ZNF571: variants seen among roughly 807,000 people sequenced by gnomAD.
ZNF571 encodes zinc finger protein 571.
ZNF571 carries 4 observed loss-of-function variants against 7.7 expected under a neutral mutation model. That is an observed-to-expected ratio of 0.52 (90% CI 0.25 to 1.18). ZNF571 has a LOEUF of 1.18. Ranked by LOEUF, ZNF571 falls within the 50% of genes most tolerant of loss-of-function variation. The pLI is 0.14. For synonymous variants in ZNF571, 251 were observed against 232.4 expected (o/e 1.08, Z -0.73); for missense variants, 704 against 726.9 (o/e 0.97, Z 0.36).
chr19:37,566,459 A>G, intron 3 of ZNF571, 168 bp from the exon 4 acceptor site: 1 of 726,482 alleles, frequency 1.4e-6, no homozygotes, highest in Non-Finnish European at 2.1e-6. Context: ...GAGAATAAAG[A>G]AAAAGGAGAG....
chr19:37,571,678 C>A (rs1228568941), intron 3 of ZNF571, among the ~76,000 whole-genome samples: 1 of 152,162 alleles, frequency 6.6e-6, no homozygotes, highest in East Asian at 1.9e-4. Context: ...GAACTACTTA[C>A]AATATTTTTG....
rs1300952935 is a variant in ZNF571, at chr19:37,583,960, G to T, written c.136+11C>A. ...GGAACAAATTCTGAATATTACGTAG[G>T]ATGATCTTACCCAATGAGATCAGGT... is the stretch of plus-strand genomic sequence containing the variant. On this transcript the variant is annotated intron_variant, in intron 3 of 3. Transcript: ENST00000451802. 1.9e-6 allele frequency: 3 copies of T among 1,592,114 alleles called. No homozygotes were observed. The highest frequency in any genetic ancestry group is 2.6e-6 in the Non-Finnish European group (3 of 1,168,980).
At chr19:37,579,590 G>A (rs2043374903) in intron 3 of ZNF571, among the ~76,000 whole-genome samples, 1 of 152,134 alleles carries the variant, frequency 6.6e-6, no homozygotes, top group African/African-American at 2.4e-5. Context: ...AATAACTTAA[G>A]ATGGCCTGAT....
At chr19:37,588,130 CCCATGGGTT>C (rs2043746175) in intron 1 of ZNF571, among the ~76,000 whole-genome samples, 1 of 109,520 alleles carries the variant, frequency 9.1e-6, no homozygotes, top group Non-Finnish European at 1.9e-5. Flanking sequence ...AAAAAAAAAT[CCCATGGGTT>C]AAAATAATAT....
At position 37,565,118 on chromosome 19, in the gene ZNF571, T is replaced by A; in HGVS notation, c.1310A>T (p.His437Leu). Residue 437 changes from histidine (H) to leucine (L), a missense_variant, in exon 4 of 4, where the codon CAT (histidine) becomes CTT (leucine). By Grantham distance (99) the His-to-Leu change is moderately conservative. Coordinates refer to ENST00000451802, the MANE Select transcript of ZNF571 (RefSeq NM_016536.5). ...TTTCTCACCTGTATGAATTCTCTGA[T>A]GTTCACTAAGTTGTTTGCCACAAAT... The part of the protein sequence containing the change: ...AFICGKQLSE[H>L]QRIHTGEKPF... 6.2e-7 allele frequency: 1 copy of A among 1,613,408 alleles called. No homozygotes were observed. Among genetic ancestry groups the A allele is most frequent in the South Asian group, 1.1e-5 (1 of 91,042 alleles).
At chr19:37,567,402 T>A (rs1001634905) in intron 3 of ZNF571, among the ~76,000 whole-genome samples, 1 of 152,236 alleles carries the variant, frequency 6.6e-6, no homozygotes, top group African/African-American at 2.4e-5. Flanking sequence ...GAGCTAATAA[T>A]CTTTCAATGG....
At position 37,583,965 on chromosome 19, in the gene ZNF571, T is replaced by C; in HGVS notation, c.136+6A>G. On this transcript the variant is annotated splice_donor_region_variant and intron_variant, in intron 3 of 3. Transcript: ENST00000451802. ...AAATTCTGAATATTACGTAGGATGA[T>C]CTTACCCAATGAGATCAGGTTGCTG... is the stretch of plus-strand genomic sequence containing the variant. 1 of 1,599,384 alleles carries C rather than the reference T, an allele frequency of 6.3e-7. No homozygotes were observed. The highest frequency in any genetic ancestry group is 2.2e-5 in the East Asian group (1 of 44,612).
intron 3 of ZNF571, chr19:37,566,582 G>C (rs960217131): frequency 2.3e-5 from 6 of 257,852 alleles, no homozygotes; most frequent in Non-Finnish European, 3.7e-5. Context: ...ACACCCTCTT[G>C]AAAACAAACA....
rs750548295 is a variant in ZNF571, at chr19:37,565,699, T to A, written c.729A>T (p.Arg243Ser). ...CATATGGTTTCTCTCCTGTATGAAC[T>A]CTCTGATGTTCAGTGAGCTGTGAAC... is the stretch of plus-strand genomic sequence containing the variant. ...IRGSQLTEHQ[R>S]VHTGEKPYEC... Residue 243 changes from arginine to serine, a missense_variant, in exon 4 of 4, where the codon AGA becomes AGT. Transcript: ENST00000451802. The A allele has an allele frequency of 4.3e-6, 7 of 1,613,786 alleles. No homozygotes were observed. In the African/African-American group the frequency reaches 5.3e-5, roughly 12 times the overall value.
At chr19:37,587,294 C>G (rs1478539416) in intron 1 of ZNF571, 1 of 152,270 alleles carries the variant, frequency 6.6e-6, no homozygotes, top group African/African-American at 2.4e-5. Flanking sequence ...CTCCCAATTA[C>G]AACACCTCCT....
At chr19:37,580,567 T>C (rs1210866747) in intron 3 of ZNF571, among the ~76,000 whole-genome samples, 1 of 152,208 alleles carries the variant, frequency 6.6e-6, no homozygotes, top group African/African-American at 2.4e-5. Flanking sequence ...TAGTCCCCAG[T>C]ATGGCGTCTT....
rs772411615 is a variant in ZNF571, at chr19:37,565,981, G to A, written c.447C>T (p.Ser149=). Residue 149 remains serine (S), a synonymous_variant, in exon 4 of 4, where the codon AGC becomes AGT. Coordinates refer to ENST00000451802, the MANE Select transcript of ZNF571 (RefSeq NM_016536.5). The stretch of plus-strand genomic sequence containing the variant: ...CATGTTGAATAAGGCATGACAGGTA[G>A]CTGAAACCTTGTCTGCATTCCTTAC... ...YKCKECRQGF[S]YLSCLIQHEE... is the part of the protein sequence containing the mutation. 11 of 1,613,654 alleles carry A rather than the reference G, an allele frequency of 6.8e-6. No individual in the cohort carries two copies. The South Asian group carries it at 7.7e-5, about 11-fold the overall frequency.
At chr19:37,592,797 A>G (rs922138470) in intron 1 of ZNF571, among the ~76,000 whole-genome samples, 2 of 152,236 alleles carry the variant, frequency 1.3e-5, no homozygotes, top group South Asian at 4.1e-4. Context: ...AAATTATAAG[A>G]CAGTACAAAG....
chr19:37,565,365 T>G lies in ZNF571; in HGVS notation c.1063A>C (p.Arg355=), dbSNP rs775358388. Residue 355 remains arginine (R), a synonymous_variant, in exon 4 of 4, where the codon AGA becomes CGA. Transcript: ENST00000451802. ...TAGGGTTTCTCTCCTGTATGAATTCTCTGATGTTCATTCAGTTGGGAGGCA... is the reference window on the plus strand; with the variant it reads ...TAGGGTTTCTCTCCTGTATGAATTCGCTGATGTTCATTCAGTTGGGAGGCA... ...LCASQLNEHQ[R]IHTGEKPYEC... 2 of 1,613,752 alleles carry G rather than the reference T, an allele frequency of 1.2e-6. No homozygotes were observed. The highest frequency in any genetic ancestry group is 1.7e-6 in the Non-Finnish European group (2 of 1,179,902).
chr19:37,590,380 G>A (rs535752272), intron 1 of ZNF571, among the ~76,000 whole-genome samples: 2 of 152,108 alleles, frequency 1.3e-5, no homozygotes, highest in South Asian at 2.1e-4. Flanking sequence ...TCTCGCCACC[G>A]CACTCCAGCC....
rs1022303646 is a variant in ZNF571, at chr19:37,565,459, T to C, written c.969A>G (p.Thr323=). The stretch of plus-strand genomic sequence containing the variant: ...CACCAGTATGAACTCTCTGATGGTA[T>C]GTAAGGTGTGAACCAAGAATAAAGG... ...GKAFILGSHL[T]YHQRVHTGEK... Residue 323 remains threonine, a synonymous_variant, in exon 4 of 4, where the codon ACA becomes ACG. Transcript: ENST00000451802. The C allele has an allele frequency of 1.2e-6, 2 of 1,611,308 alleles. No individual in the cohort carries two copies. The highest frequency in any genetic ancestry group is 2.2e-5 in the East Asian group (1 of 44,562).
chr19:37,571,578 T>C (rs914945204), intron 3 of ZNF571, among the ~76,000 whole-genome samples: 1 of 152,208 alleles, frequency 6.6e-6, no homozygotes, highest in African/African-American at 2.4e-5. Context: ...CCCCAACTTA[T>C]GATACTTAGA....
intron 3 of ZNF571, among the ~76,000 whole-genome samples, chr19:37,577,904 CT>C: frequency 6.6e-6 from 1 of 152,300 alleles, no homozygotes; most frequent in South Asian, 2.1e-4. Context: ...ACAGACCGTA[CT>C]GTTTGGCAGC....
At position 37,576,034 on chromosome 19, in the gene ZNF571, T is replaced by A. The variant is rs183459146; in HGVS notation, c.136+7937A>T. 6.0e-5 allele frequency among the ~76,000 whole-genome samples: 9 copies of A among 150,672 alleles called. No homozygotes were observed. The East Asian group carries it at 1.5e-3, about 26-fold the overall frequency. The stretch of plus-strand genomic sequence containing the variant: ...GTATTTATTAACTACAGGTAAGGCA[T>A]ACATGCATACACACACACACACACA... On this transcript the variant is annotated intron_variant, in intron 3 of 3. Transcript: ENST00000451802.
Sources: gnomAD v4.1 joint callset for allele counts (sites outside exome capture counted in the v4.1 genomes callset) on GRCh38, gnomAD v4.1.1 for gene constraint, MANE v1.5 for transcripts, NCBI Gene and HGNC (gene_info 2026-07-23, HGNC 2026-07-21) for gene names.